Variants in SRRM4 observed in about 807,000 individuals in gnomAD.
SRRM4 encodes serine/arginine repetitive matrix protein 4.
SRRM4 carries 33 observed loss-of-function variants against 68.9 expected under a neutral mutation model. That is an observed-to-expected ratio of 0.48 (90% CI 0.36 to 0.64). SRRM4 has a LOEUF of 0.64. Ranked by LOEUF, SRRM4 falls within the 30% of genes least tolerant of loss-of-function variation. SRRM4 has a pLI of 0.00. For synonymous variants in SRRM4, 318 were observed against 318.8 expected (o/e 1.00, Z 0.03); for missense variants, 817 against 827.1 (o/e 0.99, Z 0.15).
At chr12:119,116,092 A>C (rs779010863) in intron 3 of SRRM4, among the ~76,000 whole-genome samples, 1 of 152,116 alleles carries the variant, frequency 6.6e-6, no homozygotes, top group Non-Finnish European at 1.5e-5. Flanking sequence ...TCTTCCACCC[A>C]GCCTGCTTCA....
intron 1 of SRRM4, among the ~76,000 whole-genome samples, chr12:119,068,486 A>G (rs548154671): frequency 6.6e-6 from 1 of 152,302 alleles, no homozygotes; most frequent in African/African-American, 2.4e-5. Context: ...GCAAGCAAAG[A>G]GAAGAGCTGG....
intron 1 of SRRM4, among the ~76,000 whole-genome samples, chr12:119,100,862 G>A (rs1010096639): frequency 6.6e-6 from 1 of 152,218 alleles, no homozygotes; most frequent in African/African-American, 2.4e-5. Flanking sequence ...TGAGCAGGAT[G>A]GAAGGGAGTT....
chr12:119,132,686 A>G (rs1372814100), intron 8 of SRRM4, among the ~76,000 whole-genome samples: 1 of 152,140 alleles, frequency 6.6e-6, no homozygotes, highest in African/African-American at 2.4e-5. Flanking sequence ...GCAATGCCTC[A>G]CTGTTCTTCA....
chr12:119,043,791 C>CACACACACAG (rs1555215460), intron 1 of SRRM4, among the ~76,000 whole-genome samples: 1 of 151,736 alleles, frequency 6.6e-6, no homozygotes, highest in Admixed American at 6.6e-5. Context: ...CACACACACA[C>CACACACACAG]ACACACACAC....
chr12:119,154,212 A>G lies in SRRM4; in HGVS notation c.1392-31A>G, dbSNP rs1374715475. The G allele has an allele frequency of 3.2e-6, 5 of 1,572,782 alleles. No individual in the cohort carries two copies. The highest frequency in any genetic ancestry group is 4.3e-6 in the Non-Finnish European group (5 of 1,156,194). On this transcript the variant is annotated intron_variant, in intron 11 of 12. Coordinates refer to ENST00000267260, the MANE Select transcript of SRRM4 (RefSeq NM_194286.4). The surrounding 1 kb of genome is among the most constrained non-coding windows in gnomAD (Gnocchi z 4.7). Reference sequence around the variant, plus strand: ...CACGCAGAAAATCCAGCCCAGCCCCAGCTCCCCAGTAACCCCCCGCGCCCC... The same window carrying G: ...CACGCAGAAAATCCAGCCCAGCCCCGGCTCCCCAGTAACCCCCCGCGCCCC...
chr12:119,017,724 G>A (rs1389311950), intron 1 of SRRM4, among the ~76,000 whole-genome samples: 11 of 152,148 alleles, frequency 7.2e-5, no homozygotes, highest in African/African-American at 2.4e-4. Context: ...GGAGGGGTCC[G>A]TCTCATCTTT....
intron 1 of SRRM4, among the ~76,000 whole-genome samples, chr12:119,082,475 TC>T (rs961270966): frequency 2.0e-5 from 3 of 152,122 alleles, no homozygotes; most frequent in African/African-American, 7.2e-5. Flanking sequence ...GCTCGTGATT[TC>T]CCCCCCTTCT....
intron 6 of SRRM4, among the ~76,000 whole-genome samples, chr12:119,124,070 A>G (rs539200786): frequency 6.6e-6 from 1 of 152,350 alleles, no homozygotes; most frequent in African/African-American, 2.4e-5. Context: ...TTCATCTGTA[A>G]GATGGGAATA....
chr12:119,092,843 C>T (rs935514099), intron 1 of SRRM4, among the ~76,000 whole-genome samples: 7 of 152,068 alleles, frequency 4.6e-5, no homozygotes, highest in Non-Finnish European at 8.8e-5. Context: ...AGCCAAGTCC[C>T]TGTGAAAGCC....
At position 119,154,144 on chromosome 12, in the gene SRRM4, C is replaced by A; in HGVS notation, c.1392-99C>A. 8.8e-7 allele frequency: 1 copy of A among 1,138,182 alleles called. No homozygotes were observed. Among genetic ancestry groups the A allele is most frequent in the Non-Finnish European group, 1.3e-6 (1 of 788,892 alleles). 70.5% of individuals were successfully genotyped at this position (1,138,182 alleles called of 1,614,324 possible). A position where few individuals can be genotyped will look rare whatever the true frequency, so the allele number is the denominator to read the frequency against. ...AACGTGCAGACCCCATCCCGTGACC[C>A]AGTGGGGTGGGAAAGAAAGGGAGTG... On this transcript the variant is annotated intron_variant, in intron 11 of 12. Coordinates refer to ENST00000267260, the MANE Select transcript of SRRM4 (RefSeq NM_194286.4). The surrounding 1 kb of genome is among the most constrained non-coding windows in gnomAD (Gnocchi z 4.7).
chr12:119,105,199 T>G (rs1954099581), intron 2 of SRRM4, among the ~76,000 whole-genome samples: 1 of 152,166 alleles, frequency 6.6e-6, no homozygotes, highest in African/African-American at 2.4e-5. Flanking sequence ...TGTGCCACAC[T>G]TTCCTAATCC....
intron 1 of SRRM4, among the ~76,000 whole-genome samples, chr12:119,012,330 C>T (rs887020100): frequency 2.0e-5 from 3 of 152,214 alleles, no homozygotes; most frequent in African/African-American, 7.2e-5. Context: ...CTGAACTGGA[C>T]TCACCTGGGG....
chr12:119,071,055 C>T (rs1224285104), intron 1 of SRRM4, among the ~76,000 whole-genome samples: 1 of 152,166 alleles, frequency 6.6e-6, no homozygotes, highest in Non-Finnish European at 1.5e-5. Context: ...TCAGGTTTTC[C>T]GTGGCAGGCC....
Position 119,160,246 on chromosome 12 carries a change from T to C in SRRM4, c.*3448T>C, listed in dbSNP as rs1954502705. 6.6e-6 allele frequency: 1 copy of C among 151,910 alleles called. No homozygotes were observed. Among genetic ancestry groups the C allele is most frequent in the South Asian group, 2.1e-4 (1 of 4,804 alleles). 9.4% of individuals were successfully genotyped at this position (151,910 alleles called of 1,614,324 possible). ...CTTAAATGCCTGCTTCGGGGAAATC[T>C]CTGCCTCTCTCTCTCTCTGTCTCTC... On this transcript the variant is annotated 3_prime_UTR_variant, in exon 13 of 13. Transcript: ENST00000267260.
chr12:119,042,991 C>T (rs1030060213), intron 1 of SRRM4, among the ~76,000 whole-genome samples: 5 of 152,000 alleles, frequency 3.3e-5, no homozygotes, highest in East Asian at 1.9e-4. Context: ...GGCAATTCCT[C>T]GAAGATCTAG....
chr12:119,048,022 T>A (rs1953718359), intron 1 of SRRM4, among the ~76,000 whole-genome samples: 1 of 152,274 alleles, frequency 6.6e-6, no homozygotes, highest in Admixed American at 6.5e-5. Context: ...TGAGATATAA[T>A]TCTGCCTTCT....
At chr12:119,051,763 C>G (rs1264428689) in intron 1 of SRRM4, among the ~76,000 whole-genome samples, 1 of 152,326 alleles carries the variant, frequency 6.6e-6, no homozygotes, top group South Asian at 2.1e-4. Flanking sequence ...ACAATCCCAT[C>G]CCCACTCCAT....
intron 1 of SRRM4, among the ~76,000 whole-genome samples, chr12:119,051,326 G>T (rs1412067562): frequency 6.6e-6 from 1 of 152,116 alleles, no homozygotes; most frequent in African/African-American, 2.4e-5. Context: ...ACAAAGTTGA[G>T]CCATCCAATG....
At chr12:119,078,604 C>T (rs1953929955) in intron 1 of SRRM4, among the ~76,000 whole-genome samples, 1 of 152,176 alleles carries the variant, frequency 6.6e-6, no homozygotes, top group Non-Finnish European at 1.5e-5. Flanking sequence ...GTATCACTGG[C>T]AAATCTACAG....
Sources: allele counts gnomAD v4.1 joint callset (sites outside exome capture counted in the v4.1 genomes callset), GRCh38; gene constraint gnomAD v4.1.1; non-coding constraint Gnocchi (gnomAD v3.1); transcripts MANE v1.5; gene names NCBI Gene and HGNC (gene_info 2026-07-23, HGNC 2026-07-21).